SNX4: variants seen among roughly 807,000 people sequenced by gnomAD.
SNX4 encodes sorting nexin 4.
In SNX4, 49 loss-of-function variants were observed where a neutral mutation model predicts 70.8. The ratio of observed to expected loss-of-function variants is 0.69; its 90% confidence interval spans 0.55 to 0.88. The LOEUF (loss-of-function observed/expected upper bound fraction) is 0.88. SNX4 is among the 40% of genes least tolerant of loss of function. The probability of loss-of-function intolerance (pLI) is 0.00; values close to 1 mark genes in which losing one functional copy is unlikely to be tolerated. For synonymous variants in SNX4, 206 were observed against 183.8 expected (o/e 1.12, Z -0.98); for missense variants, 528 against 544.8 (o/e 0.97, Z 0.31).
chr3:125,449,486 C>T (rs1579967634), intron 13 of SNX4, among the ~76,000 whole-genome samples: 1 of 151,840 alleles, frequency 6.6e-6, no homozygotes, highest in East Asian at 1.9e-4. Flanking sequence ...GTCTTGAACT[C>T]CTGGGATCAA....
rs146084635 is a variant in SNX4, at chr3:125,467,343, C to T, written c.854+2111G>A. Among the ~76,000 whole-genome samples the T allele has an allele frequency of 3.1e-3, 464 of 150,254 alleles. 1 individual carries two copies. Among genetic ancestry groups the T allele is most frequent in the African/African-American group, 7.3e-3 (296 of 40,788 alleles). Reference sequence around the variant, plus strand: ...CAGAGGTTGCAGTGAGCCAAGATTGCGCCACGGCACTCCAGCCTGGGTGAC... The same window carrying T: ...CAGAGGTTGCAGTGAGCCAAGATTGTGCCACGGCACTCCAGCCTGGGTGAC... On this transcript the variant is annotated intron_variant, in intron 9 of 13. Transcript: ENST00000251775.
intron 12 of SNX4, among the ~76,000 whole-genome samples, chr3:125,452,918 G>A (rs1933614469): frequency 6.6e-6 from 1 of 151,986 alleles, no homozygotes; most frequent in African/African-American, 2.4e-5. Flanking sequence ...CGCCCGGCCT[G>A]TCTTTTTTAA....
intron 1 of SNX4, among the ~76,000 whole-genome samples, chr3:125,510,968 G>A (rs1430344602): frequency 6.6e-6 from 1 of 152,086 alleles, no homozygotes; most frequent in Admixed American, 6.6e-5. Flanking sequence ...GCCTAGGCTG[G>A]AGTGCAATGG....
intron 1 of SNX4, among the ~76,000 whole-genome samples, chr3:125,509,752 C>CAAAAAAAAAAAAAAAAA (rs202049305): frequency 1.5e-5 from 1 of 68,686 alleles, no homozygotes; most frequent in African/African-American, 5.1e-5. Flanking sequence ...GAATCTGTCT[C>CAAAAAAAAAAAAAAAAA]AAAAAAAAAA....
chr3:125,484,668 C>A (rs962807462), intron 6 of SNX4, among the ~76,000 whole-genome samples: 1 of 152,076 alleles, frequency 6.6e-6, no homozygotes, highest in African/African-American at 2.4e-5. Context: ...TCCATCAAGG[C>A]TTTTTGAGAA....
chr3:125,471,881 G>T (rs1254781486), intron 8 of SNX4, among the ~76,000 whole-genome samples: 1 of 152,188 alleles, frequency 6.6e-6, no homozygotes, highest in Admixed American at 6.5e-5. Context: ...ATTGGGTCAG[G>T]TGCTATTAAT....
At chr3:125,501,058 C>T (rs1232701255) in intron 2 of SNX4, among the ~76,000 whole-genome samples, 1 of 151,930 alleles carries the variant, frequency 6.6e-6, no homozygotes, top group East Asian at 1.9e-4. Flanking sequence ...ATATTGTCCA[C>T]AACTGTCTGC....
At chr3:125,500,884 T>C (rs1336908895) in intron 2 of SNX4, among the ~76,000 whole-genome samples, 1 of 115,436 alleles carries the variant, frequency 8.7e-6, no homozygotes, top group Non-Finnish European at 1.7e-5. Flanking sequence ...TTTAGGTGGC[T>C]AATTTACAAA....
At chr3:125,459,557 C>T (rs1343547582) in intron 10 of SNX4, among the ~76,000 whole-genome samples, 1 of 152,116 alleles carries the variant, frequency 6.6e-6, no homozygotes, top group African/African-American at 2.4e-5. Context: ...CTGCCTCAGC[C>T]TCTCCAGCAG....
chr3:125,515,651 C>T (rs1321154840), intron 1 of SNX4, among the ~76,000 whole-genome samples: 1 of 105,478 alleles, frequency 9.5e-6, no homozygotes. Flanking sequence ...GGCAACAGTG[C>T]AAGACTTGGC....
intron 8 of SNX4, among the ~76,000 whole-genome samples, chr3:125,473,674 C>CA (rs1934227583): frequency 6.6e-6 from 1 of 152,212 alleles, no homozygotes; most frequent in African/African-American, 2.4e-5. Context: ...ATCGGCCTCT[C>CA]AAAGTGCTGG....
intron 5 of SNX4, among the ~76,000 whole-genome samples, chr3:125,490,247 G>A (rs567082988): frequency 2.0e-5 from 3 of 151,824 alleles, no homozygotes; most frequent in Admixed American, 2.0e-4. Flanking sequence ...AGAAACACAT[G>A]TACTAGGCCG....
chr3:125,514,972 C>T (rs1935243245), intron 1 of SNX4, among the ~76,000 whole-genome samples: 1 of 140,576 alleles, frequency 7.1e-6, no homozygotes, highest in South Asian at 2.3e-4. Flanking sequence ...CCCAATGCTT[C>T]TTTTTAATTT....
Position 125,504,629 on chromosome 3 carries a change from T to G in SNX4, c.257A>C (p.Glu86Ala). Residue 86 changes from glutamate to alanine, a missense_variant, in exon 2 of 14, where the codon GAA (glutamate) becomes GCA (alanine). Transcript: ENST00000251775. ...MQETYTAYLIETRSVEHTDGQ... is the reference protein window; with the variant it reads ...MQETYTAYLIATRSVEHTDGQ... ...TGTAATTTCTGTTACCCACCTTGTT[T>G]CAATGAGGTAAGCAGTATATGTTTC... is the stretch of plus-strand genomic sequence containing the variant. 6.2e-7 allele frequency: 1 copy of G among 1,609,870 alleles called. No homozygotes were observed. The highest frequency in any genetic ancestry group is 8.5e-7 in the Non-Finnish European group (1 of 1,178,464).
chr3:125,479,112 T>C (rs969931670), intron 7 of SNX4, among the ~76,000 whole-genome samples: 7 of 152,162 alleles, frequency 4.6e-5, no homozygotes, highest in Admixed American at 1.3e-4. Context: ...AAAAAGCATA[T>C]AGAACAGAAG....
chr3:125,484,499 C>T (rs900099385), intron 6 of SNX4, among the ~76,000 whole-genome samples: 1 of 152,064 alleles, frequency 6.6e-6, no homozygotes. Context: ...AAGTGATCTG[C>T]CCACCTTGGC....
At chr3:125,473,950 C>T (rs2107540438) in intron 8 of SNX4, among the ~76,000 whole-genome samples, 1 of 152,306 alleles carries the variant, frequency 6.6e-6, no homozygotes, top group East Asian at 1.9e-4. Flanking sequence ...TTCTCACTAG[C>T]TTCTTAAATT....
At chr3:125,517,361 C>T (rs1334142640) in intron 1 of SNX4, among the ~76,000 whole-genome samples, 1 of 152,184 alleles carries the variant, frequency 6.6e-6, no homozygotes, top group Non-Finnish European at 1.5e-5. Context: ...TAGAGCCCCA[C>T]TGTGCACAGC....
intron 13 of SNX4, among the ~76,000 whole-genome samples, chr3:125,449,923 T>G (rs1933532992): frequency 6.6e-6 from 1 of 152,160 alleles, no homozygotes; most frequent in South Asian, 2.1e-4. Flanking sequence ...TCTTTCAGAT[T>G]TCTTGAGGTT....
Sources: gnomAD v4.1 joint callset for allele counts (sites outside exome capture counted in the v4.1 genomes callset) on GRCh38, gnomAD v4.1.1 for gene constraint, MANE v1.5 for transcripts, NCBI Gene and HGNC (gene_info 2026-07-23, HGNC 2026-07-21) for gene names.